Variants in PXYLP1 observed in about 807,000 individuals in gnomAD.
The protein encoded by PXYLP1 is 2-phosphoxylose phosphatase 1, also known as acid phosphatase-like 2.
A neutral mutation model predicts 37.9 loss-of-function variants in PXYLP1; 17 were observed. The observed-to-expected ratio is 0.45, with a 90% CI of 0.31 to 0.67. The LOEUF (loss-of-function observed/expected upper bound fraction) is 0.67. Ranked by LOEUF, PXYLP1 falls within the 30% of genes least tolerant of loss-of-function variation. The pLI, the probability that PXYLP1 is intolerant of heterozygous loss-of-function variation, is 0.07. For synonymous variants in PXYLP1, 221 were observed against 232.2 expected (o/e 0.95, Z 0.44); for missense variants, 511 against 612.0 (o/e 0.84, Z 1.74).
intron 4 of PXYLP1, among the ~76,000 whole-genome samples, chr3:141,286,829 A>G (rs1942085081): frequency 6.6e-6 from 1 of 152,246 alleles, no homozygotes; most frequent in Admixed American, 6.5e-5. Flanking sequence ...GCCAGACAAA[A>G]GCTGCCTGAG....
At chr3:141,234,341 G>A (rs148227900) in intron 1 of PXYLP1, 22 of 152,108 alleles carry the variant, frequency 1.4e-4, no homozygotes, top group African/African-American at 5.1e-4. Flanking sequence ...GGGCGCCCTT[G>A]GAAGCTACTA....
intron 2 of PXYLP1, among the ~76,000 whole-genome samples, chr3:141,272,427 A>G (rs1231698556): frequency 6.7e-6 from 1 of 148,346 alleles, no homozygotes; most frequent in Non-Finnish European, 1.5e-5. Context: ...AAATGAGCAA[A>G]TCATCATTAG....
chr3:141,268,936 C>A (rs1048886088), intron 2 of PXYLP1, among the ~76,000 whole-genome samples: 15 of 152,202 alleles, frequency 9.9e-5, no homozygotes, highest in Admixed American at 9.2e-4. Context: ...TTCTCTTTTC[C>A]CTGTGTCATC....
rs1468903235 is a variant in PXYLP1 at position 141,260,226 on chromosome 3, G to A, written c.51G>A (p.Leu17=). 3 of 1,613,372 alleles carry A rather than the reference G, an allele frequency of 1.9e-6. No individual in the cohort carries two copies. Among genetic ancestry groups the A allele is most frequent in the Non-Finnish European group, 2.5e-6 (3 of 1,180,042 alleles). ...FLLLLALAAL[L]AFVSLSLQFF... ...TGCTGCTGGCCCTGGCTGCGCTGCT[G>A]GCCTTTGTGAGCCTCAGCCTGCAGT... The change falls in exon 2 of 6, where the codon CTG becomes CTA. Residue 17 remains leucine (L), a synonymous_variant. Coordinates refer to ENST00000286353, the MANE Select transcript of PXYLP1 (RefSeq NM_001037172.3).
chr3:141,266,348 G>A (rs1017848894), intron 2 of PXYLP1, among the ~76,000 whole-genome samples: 2 of 152,224 alleles, frequency 1.3e-5, no homozygotes, highest in Admixed American at 6.5e-5. Context: ...AGCTGAGTCG[G>A]GGCTGCCACC....
intron 4 of PXYLP1, among the ~76,000 whole-genome samples, chr3:141,283,614 T>A (rs1304395098): frequency 2.0e-5 from 3 of 152,180 alleles, no homozygotes; most frequent in Non-Finnish European, 4.4e-5. Context: ...TACACTGGGC[T>A]TATCTTTTCA....
At chr3:141,276,010 G>A (rs1216073696) in intron 2 of PXYLP1, among the ~76,000 whole-genome samples, 1 of 152,156 alleles carries the variant, frequency 6.6e-6, no homozygotes, top group African/African-American at 2.4e-5. Context: ...GATATGTTTA[G>A]ATACACAAGT....
At chr3:141,259,444 T>A (rs935595662) in intron 1 of PXYLP1, among the ~76,000 whole-genome samples, 2 of 152,154 alleles carry the variant, frequency 1.3e-5, no homozygotes, top group Non-Finnish European at 2.9e-5. Flanking sequence ...TCAGCTTTTT[T>A]AAAAAGTCCT....
chr3:141,234,572 A>G (rs1488191657), intron 1 of PXYLP1, among the ~76,000 whole-genome samples: 1 of 152,146 alleles, frequency 6.6e-6, no homozygotes, highest in Non-Finnish European at 1.5e-5. Flanking sequence ...CTCTTCTTGC[A>G]CATTTCTGGC....
chr3:141,239,038 C>T (rs1940727837), intron 1 of PXYLP1, among the ~76,000 whole-genome samples: 1 of 145,446 alleles, frequency 6.9e-6, no homozygotes, highest in East Asian at 2.0e-4. Context: ...GACCTATGTC[C>T]TGGAAATTTT....
At chr3:141,240,293 C>A (rs558980889) in intron 1 of PXYLP1, among the ~76,000 whole-genome samples, 1 of 152,316 alleles carries the variant, frequency 6.6e-6, no homozygotes, top group East Asian at 1.9e-4. Flanking sequence ...ACTGCTTAAA[C>A]AAAGTATGTT....
chr3:141,254,523 T>C (rs1941216578), intron 1 of PXYLP1, among the ~76,000 whole-genome samples: 1 of 152,216 alleles, frequency 6.6e-6, no homozygotes, highest in Non-Finnish European at 1.5e-5. Context: ...GGTGCCTTCC[T>C]GGGGTTTCCA....
chr3:141,236,373 G>A (rs1940657942), intron 1 of PXYLP1: 1 of 152,100 alleles, frequency 6.6e-6, no homozygotes, highest in Non-Finnish European at 1.5e-5. Flanking sequence ...TGATTAAAAA[G>A]CATATTAAGA....
chr3:141,271,341 C>A (rs1421585782), intron 2 of PXYLP1, among the ~76,000 whole-genome samples: 1 of 152,178 alleles, frequency 6.6e-6, no homozygotes, highest in African/African-American at 2.4e-5. Flanking sequence ...GCAGGGGCAA[C>A]TGAGGACAGA....
intron 2 of PXYLP1, among the ~76,000 whole-genome samples, chr3:141,270,680 A>G (rs1559889991): frequency 6.6e-6 from 1 of 152,200 alleles, no homozygotes; most frequent in Non-Finnish European, 1.5e-5. Flanking sequence ...GCTATCTCAG[A>G]TAAGCTGAAT....
In PXYLP1 at chr3:141,248,559, G is replaced by A. The variant is rs1325307984; in HGVS notation, c.-53-11564G>A. ...TATACACACACGTATATATACACACGTGTATATATATACACACATGTATAT... is the reference window on the plus strand; with the variant it reads ...TATACACACACGTATATATACACACATGTATATATATACACACATGTATAT... On this transcript the variant is annotated intron_variant, in intron 1 of 5. Transcript: ENST00000286353. Among the ~76,000 whole-genome samples, 9 of 130,100 alleles carry A rather than the reference G, an allele frequency of 6.9e-5. 1 individual carries two copies. The highest frequency in any genetic ancestry group is 5.0e-4 in the South Asian group (2 of 3,984). The allele number at this position is 130,100 out of a possible 152,430, so 85.4% of individuals were successfully genotyped here. A position where few individuals can be genotyped will look rare whatever the true frequency, so the allele number is the denominator to read the frequency against.
intron 4 of PXYLP1, among the ~76,000 whole-genome samples, chr3:141,286,154 A>C (rs1203018512): frequency 1.3e-5 from 2 of 152,164 alleles, no homozygotes; most frequent in Non-Finnish European, 2.9e-5. Flanking sequence ...TTCAGCTGGA[A>C]AATGTATATA....
intron 2 of PXYLP1, chr3:141,262,647 C>G (rs1377539594): frequency 1.3e-6 from 2 of 1,524,780 alleles, no homozygotes; most frequent in African/African-American, 2.8e-5. Flanking sequence ...CTGTCTGGGT[C>G]TGAGCTCTTT....
Position 141,249,388 on chromosome 3 carries a change from C to G in PXYLP1, c.-53-10735C>G, listed in dbSNP as rs1156934505. 5.3e-5 allele frequency among the ~76,000 whole-genome samples: 8 copies of G among 150,814 alleles called. No individual in the cohort carries two copies. The East Asian group carries it at 1.6e-3, about 29-fold the overall frequency. Reference sequence around the variant, plus strand: ...CCGTTCCTATATAATATTGTTAACACAGAAATGCAGGCCTTGATAACCTGT... The same window carrying G: ...CCGTTCCTATATAATATTGTTAACAGAGAAATGCAGGCCTTGATAACCTGT... On this transcript the variant is annotated intron_variant, in intron 1 of 5. Coordinates refer to ENST00000286353, the MANE Select transcript of PXYLP1 (RefSeq NM_001037172.3).
Sources: gnomAD v4.1 joint callset for allele counts (sites outside exome capture counted in the v4.1 genomes callset) on GRCh38, gnomAD v4.1.1 for gene constraint, MANE v1.5 for transcripts, NCBI Gene and HGNC (gene_info 2026-07-23, HGNC 2026-07-21) for gene names.